The following CTNND2 variants were observed in gnomAD, a reference collection of about 807,000 sequenced individuals.
CTNND2 encodes the protein catenin delta-2.
Under a neutral mutation model 144.4 loss-of-function variants are expected in CTNND2, and 22 were observed. That is an observed-to-expected ratio of 0.15 (90% CI 0.11 to 0.22). CTNND2 has a LOEUF of 0.22. Among genes scored for constraint, CTNND2 ranks in the 10% least tolerant of loss-of-function variants. The pLI is 1.00. For synonymous variants in CTNND2, 751 were observed against 695.6 expected (o/e 1.08, Z -1.25); for missense variants, 1,353 against 1,618.8 (o/e 0.84, Z 2.82).
At chr5:11,239,010 T>C (rs547575364) in intron 9 of CTNND2, among the ~76,000 whole-genome samples, 1 of 152,388 alleles carries the variant, frequency 6.6e-6, no homozygotes, top group South Asian at 2.1e-4. Context: ...TCTAGAATTA[T>C]ATTCTTTATG....
intron 3 of CTNND2, among the ~76,000 whole-genome samples, chr5:11,534,821 C>T (rs1774066617): frequency 6.6e-6 from 1 of 152,140 alleles, no homozygotes; most frequent in African/African-American, 2.4e-5. Context: ...TCCTCGAAGA[C>T]TTTGCTGACA....
At chr5:11,402,934 G>A (rs1445068588) in intron 5 of CTNND2, among the ~76,000 whole-genome samples, 1 of 152,250 alleles carries the variant, frequency 6.6e-6, no homozygotes, top group East Asian at 1.9e-4. Context: ...AATGTCCTTG[G>A]CTTAATTAGT....
At position 11,903,326 on chromosome 5, in the gene CTNND2, A is replaced by G; in HGVS notation, c.37+491T>C. 2.0e-6 allele frequency: 2 copies of G among 986,006 alleles called. No individual in the cohort carries two copies. Among genetic ancestry groups the G allele is most frequent in the Non-Finnish European group, 2.4e-6 (2 of 830,392 alleles). The allele number at this position is 986,006 out of a possible 1,614,324, so 61.1% of individuals were successfully genotyped here. ...TCTGGCAAGCCGCGGGAGCCTGAAG[A>G]CACGGCCATGGACGCATATGACTAA... On this transcript the variant is annotated intron_variant, in intron 1 of 21. Transcript: ENST00000304623. This position sits in a 1 kb window ranked among gnomAD's most constrained non-coding sequence, Gnocchi z 5.4.
chr5:11,117,433 A>G lies in CTNND2; in HGVS notation c.2277+17T>C, dbSNP rs1561330002. The G allele has an allele frequency of 6.3e-7, 1 of 1,592,920 alleles. No individual in the cohort carries two copies. The highest frequency in any genetic ancestry group is 1.7e-5 in the Admixed American group (1 of 59,994). ...CTTTATTCTCAAACATGTTTAATCTATGCCAGCACAACCAACCTTGCTATC... is the reference window on the plus strand; with the variant it reads ...CTTTATTCTCAAACATGTTTAATCTGTGCCAGCACAACCAACCTTGCTATC... On this transcript the variant is annotated intron_variant, in intron 13 of 21. Coordinates refer to ENST00000304623, the MANE Select transcript of CTNND2 (RefSeq NM_001332.4).
intron 1 of CTNND2, among the ~76,000 whole-genome samples, chr5:11,739,417 T>A (rs553923649): frequency 7.2e-5 from 11 of 152,268 alleles, no homozygotes; most frequent in African/African-American, 2.6e-4. Flanking sequence ...GGAACAGACT[T>A]GGGGCAGGGA....
rs780466305 is a variant in CTNND2 at position 11,525,382 on chromosome 5, T to C, written c.287+39562A>G. 2.6e-5 allele frequency among the ~76,000 whole-genome samples: 4 copies of C among 152,104 alleles called. 1 individual carries two copies. Among genetic ancestry groups the C allele is most frequent in the African/African-American group, 9.7e-5 (4 of 41,404 alleles). On this transcript the variant is annotated intron_variant, in intron 3 of 21. Transcript: ENST00000304623. Reference sequence around the variant, plus strand: ...ACTGATACATTGTCTTTTTGTACCATGAGTAACATTTTCAAATTAAAAAAA... The same window carrying C: ...ACTGATACATTGTCTTTTTGTACCACGAGTAACATTTTCAAATTAAAAAAA...
intron 1 of CTNND2, among the ~76,000 whole-genome samples, chr5:11,880,610 TACC>T (rs10559387): frequency 0.4 from 54,930 of 135,642 alleles, 12,018 homozygotes; most frequent in East Asian, 0.48. Flanking sequence ...GCACTACTAC[TACC>T]ACTACTACTG....
At position 11,042,057 on chromosome 5, in the gene CTNND2, C is replaced by T. The variant is rs150596227; in HGVS notation, c.2789-19078G>A. On this transcript the variant is annotated intron_variant, in intron 16 of 21. Transcript: ENST00000304623. Reference sequence around the variant, plus strand: ...AACTTATGAGAATAGAGAAACTTATCAGAATAGAGAAAGCAGTCTTGGGCA... The same window carrying T: ...AACTTATGAGAATAGAGAAACTTATTAGAATAGAGAAAGCAGTCTTGGGCA... 9.2e-5 allele frequency among the ~76,000 whole-genome samples: 14 copies of T among 152,260 alleles called. No homozygotes were observed. In the South Asian group the frequency reaches 2.9e-3, roughly 32 times the overall value.
intron 12 of CTNND2, among the ~76,000 whole-genome samples, chr5:11,118,394 A>G (rs971084590): frequency 2.6e-5 from 4 of 152,336 alleles, no homozygotes; most frequent in Non-Finnish European, 4.4e-5. Flanking sequence ...GAGATGACTT[A>G]GTGGGTGGTA....
chr5:11,588,930 C>T, intron 2 of CTNND2: 1 of 985,338 alleles, frequency 1.0e-6, no homozygotes, highest in Non-Finnish European at 1.2e-6. Context: ...CAGAGCAGCT[C>T]AAAAACCGAG....
At chr5:11,442,461 G>T (rs1380431159) in intron 3 of CTNND2, among the ~76,000 whole-genome samples, 1 of 152,082 alleles carries the variant, frequency 6.6e-6, no homozygotes, top group Non-Finnish European at 1.5e-5. Context: ...TGTTAATGTT[G>T]ATTTGAAACA....
At chr5:11,722,168 T>C (rs1031886356) in intron 2 of CTNND2, among the ~76,000 whole-genome samples, 1 of 152,220 alleles carries the variant, frequency 6.6e-6, no homozygotes, top group African/African-American at 2.4e-5. Context: ...AATAGACTGC[T>C]TTAAGACACC....
intron 10 of CTNND2, among the ~76,000 whole-genome samples, chr5:11,230,358 A>G (rs1460013990): frequency 1.8e-5 from 1 of 56,838 alleles, no homozygotes; most frequent in Non-Finnish European, 3.4e-5. Flanking sequence ...CCTAAAACTT[A>G]AAGTATAATT....
chr5:11,141,230 A>C (rs1196517224), intron 12 of CTNND2, among the ~76,000 whole-genome samples: 3 of 152,208 alleles, frequency 2.0e-5, no homozygotes, highest in Non-Finnish European at 4.4e-5. Context: ...CTGGGATTAC[A>C]GGCATGGGAC....
chr5:11,129,234 T>C (rs1755265241), intron 12 of CTNND2, among the ~76,000 whole-genome samples: 1 of 43,592 alleles, frequency 2.3e-5, no homozygotes, highest in African/African-American at 7.1e-5. Flanking sequence ...AAATATATAT[T>C]ATATATTATA....
At chr5:11,324,212 T>C (rs1580907142) in intron 9 of CTNND2, among the ~76,000 whole-genome samples, 1 of 152,184 alleles carries the variant, frequency 6.6e-6, no homozygotes, top group Non-Finnish European at 1.5e-5. Flanking sequence ...GAGTAGGCCC[T>C]GGTTACCCTT....
chr5:11,312,982 C>T (rs1344877674), intron 9 of CTNND2, among the ~76,000 whole-genome samples: 1 of 151,876 alleles, frequency 6.6e-6, no homozygotes. Context: ...GTTTGCAGCT[C>T]CTTTGGCCCT....
intron 1 of CTNND2, among the ~76,000 whole-genome samples, chr5:11,846,558 C>G (rs1794744997): frequency 6.6e-6 from 1 of 152,004 alleles, no homozygotes; most frequent in Non-Finnish European, 1.5e-5. Flanking sequence ...GTAATAAGAT[C>G]TCCAAAGCAG....
At chr5:11,367,198 C>T (rs913563292) in intron 7 of CTNND2, among the ~76,000 whole-genome samples, 1 of 152,128 alleles carries the variant, frequency 6.6e-6, no homozygotes, top group Non-Finnish European at 1.5e-5. Context: ...TTAAAAAGAA[C>T]ATTATTTACA....
Sources: gnomAD v4.1 joint callset for allele counts (sites outside exome capture counted in the v4.1 genomes callset) on GRCh38, gnomAD v4.1.1 for gene constraint, Gnocchi (gnomAD v3.1) non-coding constraint, MANE v1.5 for transcripts, NCBI Gene and HGNC (gene_info 2026-07-23, HGNC 2026-07-21) for gene names.